The following LRRC28 variants were observed in gnomAD, a reference collection of about 807,000 sequenced individuals.
LRRC28 encodes leucine rich repeat containing 28.
In LRRC28, 39 loss-of-function variants were observed where a neutral mutation model predicts 45.7. The observed-to-expected ratio is 0.85, with a 90% CI of 0.66 to 1.12. The LOEUF (loss-of-function observed/expected upper bound fraction) is 1.12, where lower values mean the gene tolerates loss of function less well. Among genes scored for constraint, LRRC28 ranks in the 50% most tolerant of loss-of-function variants. LRRC28 has a pLI of 0.00. For synonymous variants in LRRC28, 206 were observed against 178.8 expected (o/e 1.15, Z -1.22); for missense variants, 435 against 438.5 (o/e 0.99, Z 0.07).
At chr15:99,293,299 T>C (rs1372340475) in intron 5 of LRRC28, among the ~76,000 whole-genome samples, 1 of 152,032 alleles carries the variant, frequency 6.6e-6, no homozygotes, top group Non-Finnish European at 1.5e-5. Context: ...GTCAGTTGTC[T>C]GTAAAATACT....
intron 5 of LRRC28, among the ~76,000 whole-genome samples, chr15:99,304,508 G>T (rs1283773182): frequency 6.6e-6 from 1 of 151,776 alleles, no homozygotes; most frequent in African/African-American, 2.4e-5. Flanking sequence ...TCCGCTCACT[G>T]CAACCTCTGC....
At chr15:99,351,746 G>C (rs1410438608) in intron 6 of LRRC28, among the ~76,000 whole-genome samples, 1 of 152,206 alleles carries the variant, frequency 6.6e-6, no homozygotes, top group Non-Finnish European at 1.5e-5. Context: ...AGTGGCACTT[G>C]TTAAAGCATA....
At chr15:99,258,240 A>T in intron 2 of LRRC28, 1 of 1,596,516 alleles carries the variant, frequency 6.3e-7, no homozygotes. Context: ...CTTGTAGCAG[A>T]TAAGGTTATT....
At chr15:99,319,908 A>G (rs144225420) in intron 5 of LRRC28, among the ~76,000 whole-genome samples, 19,832 of 151,938 alleles carry the variant, frequency 0.13, 1,377 homozygotes, top group Non-Finnish European at 0.17. Context: ...GGTTCAAGCT[A>G]TTCTCTGCCT....
In LRRC28 at chr15:99,373,972, A is replaced by G. The variant is rs1167065842; in HGVS notation, c.1031+10707A>G. Among the ~76,000 whole-genome samples the G allele has an allele frequency of 2.6e-5, 4 of 152,322 alleles. No homozygotes were observed. In the East Asian group the frequency reaches 7.7e-4, roughly 29 times the overall value. On this transcript the variant is annotated intron_variant, in intron 9 of 9. Coordinates refer to ENST00000301981, the MANE Select transcript of LRRC28 (RefSeq NM_144598.5). ...TTGATCTGTGTCTATCTCTTAGTCAATAGCAAACTGTCTTAATTACTATAG... is the reference window on the plus strand; with the variant it reads ...TTGATCTGTGTCTATCTCTTAGTCAGTAGCAAACTGTCTTAATTACTATAG...
chr15:99,357,548 T>A (rs2152322074), intron 7 of LRRC28, among the ~76,000 whole-genome samples: 1 of 152,328 alleles, frequency 6.6e-6, no homozygotes, highest in East Asian at 1.9e-4. Context: ...GGAATAGTGC[T>A]TCCCTTTGGG....
intron 9 of LRRC28, among the ~76,000 whole-genome samples, chr15:99,374,139 T>C (rs1489036358): frequency 6.6e-6 from 1 of 152,152 alleles, no homozygotes; most frequent in East Asian, 1.9e-4. Context: ...CAAAAAGCCT[T>C]GTTGAGATTT....
chr15:99,254,664 C>A (rs982988244), intron 1 of LRRC28, among the ~76,000 whole-genome samples: 1 of 152,158 alleles, frequency 6.6e-6, no homozygotes. Context: ...GGTATCAAAC[C>A]CTTGCTTTTA....
rs554147179 is a variant in LRRC28 at position 99,358,917 on chromosome 15, C to A, written c.696-2419C>A. On this transcript the variant is annotated intron_variant, in intron 7 of 9. Coordinates refer to ENST00000301981, the MANE Select transcript of LRRC28 (RefSeq NM_144598.5). ...ACATGGTGAAACCCCGTCTCTACTA[C>A]AAATACAAACTAACCGGACGTGGTG... Among the ~76,000 whole-genome samples the A allele has an allele frequency of 1.3e-3, 197 of 151,982 alleles. 1 individual carries two copies. The highest frequency in any genetic ancestry group is 2.3e-3 in the Non-Finnish European group (153 of 67,942).
At chr15:99,374,491 T>C (rs1301707793) in intron 9 of LRRC28, among the ~76,000 whole-genome samples, 1 of 152,190 alleles carries the variant, frequency 6.6e-6, no homozygotes, top group Non-Finnish European at 1.5e-5. Flanking sequence ...TAGGAGTATT[T>C]TTTGTAGATG....
At position 99,388,268 on chromosome 15, in the gene LRRC28, A is replaced by C. The variant is rs1463602163; in HGVS notation, c.*2166A>C. 1 of 152,248 alleles carries C rather than the reference A, an allele frequency of 6.6e-6. No individual in the cohort carries two copies. Among genetic ancestry groups the C allele is most frequent in the Non-Finnish European group, 1.5e-5 (1 of 68,046 alleles). 9.4% of individuals were successfully genotyped at this position (152,248 alleles called of 1,614,324 possible). On this transcript the variant is annotated 3_prime_UTR_variant, in exon 10 of 10. Coordinates refer to ENST00000301981, the MANE Select transcript of LRRC28 (RefSeq NM_144598.5). ...TACATTTTTCTATTTCATCCTCTAC[A>C]ATCATATGTCATGGAATGGAGCTAT...
intron 9 of LRRC28, among the ~76,000 whole-genome samples, chr15:99,363,547 A>G (rs1416922573): frequency 4.6e-5 from 7 of 152,190 alleles, no homozygotes; most frequent in Non-Finnish European, 1.5e-5. Context: ...CCCTATTCAC[A>G]GTAGCCTTTA....
chr15:99,256,727 T>A (rs1436500689), intron 2 of LRRC28, among the ~76,000 whole-genome samples: 1 of 152,254 alleles, frequency 6.6e-6, no homozygotes, highest in Non-Finnish European at 1.5e-5. Flanking sequence ...TTGCTCTTTT[T>A]ATGTTCTAAG....
At chr15:99,361,274 T>C in intron 7 of LRRC28, 62 bp from the exon 8 acceptor site, 2 of 1,516,234 alleles carry the variant, frequency 1.3e-6, no homozygotes, top group Non-Finnish European at 1.8e-6. Flanking sequence ...TAACACATTT[T>C]ATTGGCACCC....
intron 5 of LRRC28, among the ~76,000 whole-genome samples, chr15:99,312,152 TTTG>T (rs1351851034): frequency 6.6e-6 from 1 of 152,246 alleles, no homozygotes; most frequent in Admixed American, 6.5e-5. Flanking sequence ...GTTAGGTGAT[TTTG>T]TTGTTGTGTG....
rs1242916553 is a variant in LRRC28, at chr15:99,387,432, C to T, written c.*1330C>T. On this transcript the variant is annotated 3_prime_UTR_variant, in exon 10 of 10. Transcript: ENST00000301981. ...TTACTTCGTCACCTGGTGCACCACACTGTCTTCATGTTGGCCCTCGTTTCT... is the reference window on the plus strand; with the variant it reads ...TTACTTCGTCACCTGGTGCACCACATTGTCTTCATGTTGGCCCTCGTTTCT... The T allele has an allele frequency of 6.6e-6, 1 of 152,238 alleles. No homozygotes were observed. Among genetic ancestry groups the T allele is most frequent in the Non-Finnish European group, 1.5e-5 (1 of 68,064 alleles). 9.4% of individuals were successfully genotyped at this position (152,238 alleles called of 1,614,324 possible).
intron 9 of LRRC28, 143 bp downstream of exon 9, chr15:99,363,408 A>C (rs1426944179): frequency 6.1e-6 from 5 of 822,804 alleles, no homozygotes; most frequent in Non-Finnish European, 7.3e-6. Flanking sequence ...AAATGAAACG[A>C]TGCTCACTTT....
At chr15:99,313,883 G>C (rs1955502475) in intron 5 of LRRC28, among the ~76,000 whole-genome samples, 1 of 152,116 alleles carries the variant, frequency 6.6e-6, no homozygotes, top group African/African-American at 2.4e-5. Flanking sequence ...TTGATAAACT[G>C]CTATTCTTGT....
At chr15:99,265,432 G>T (rs557870148) in intron 2 of LRRC28, among the ~76,000 whole-genome samples, 1 of 152,184 alleles carries the variant, frequency 6.6e-6, no homozygotes, top group Non-Finnish European at 1.5e-5. Context: ...GCACGACTGA[G>T]TAAGCCATCT....
Sources: allele counts gnomAD v4.1 joint callset (sites outside exome capture counted in the v4.1 genomes callset), GRCh38; gene constraint gnomAD v4.1.1; transcripts MANE v1.5; gene names NCBI Gene and HGNC (gene_info 2026-07-23, HGNC 2026-07-21).